The following MARCHF1 variants were observed in gnomAD, a reference collection of about 807,000 sequenced individuals.
MARCHF1 encodes membrane associated ring-CH-type finger 1.
MARCHF1 carries 40 observed loss-of-function variants against 54.2 expected under a neutral mutation model. That is an observed-to-expected ratio of 0.74 (90% CI 0.57 to 0.96). The LOEUF (loss-of-function observed/expected upper bound fraction) is 0.96. Among genes scored for constraint, MARCHF1 ranks in the 40% least tolerant of loss-of-function variants. The pLI is 0.00. For synonymous variants in MARCHF1, 236 were observed against 236.3 expected (o/e 1.00, Z 0.01); for missense variants, 586 against 656.5 (o/e 0.89, Z 1.17).
intron 1 of MARCHF1, among the ~76,000 whole-genome samples, chr4:164,314,452 A>G (rs1734945901): frequency 6.6e-6 from 1 of 152,168 alleles, no homozygotes; most frequent in South Asian, 2.1e-4. Flanking sequence ...AACTGTACAT[A>G]AGTCATTGAC....
chr4:163,535,034 A>G (rs1397795239), intron 9 of MARCHF1, among the ~76,000 whole-genome samples: 1 of 152,072 alleles, frequency 6.6e-6, no homozygotes, highest in Non-Finnish European at 1.5e-5. Flanking sequence ...TTAAAGTAGT[A>G]ATAATAATTT....
At chr4:163,992,564 A>T (rs1472994776) in intron 2 of MARCHF1, among the ~76,000 whole-genome samples, 3 of 151,796 alleles carry the variant, frequency 2.0e-5, no homozygotes, top group African/African-American at 7.3e-5. Context: ...ATGGTGTGAG[A>T]TTGGCATATG....
At chr4:163,898,449 A>T (rs1302901513) in intron 3 of MARCHF1, among the ~76,000 whole-genome samples, 1 of 152,178 alleles carries the variant, frequency 6.6e-6, no homozygotes, top group Admixed American at 6.5e-5. Context: ...ACATCAATAT[A>T]CATCGGAGAA....
intron 1 of MARCHF1, chr4:164,190,463 T>C (rs752169640): frequency 3.6e-5 from 13 of 361,998 alleles, no homozygotes; most frequent in African/African-American, 8.5e-5. Flanking sequence ...TTGAAAATGC[T>C]ATAGCCCAAG....
At chr4:163,807,986 A>G (rs1445556083) in intron 4 of MARCHF1, among the ~76,000 whole-genome samples, 1 of 152,186 alleles carries the variant, frequency 6.6e-6, no homozygotes, top group African/African-American at 2.4e-5. Flanking sequence ...GATCTGGGTA[A>G]TCACAGTACA....
intron 2 of MARCHF1, among the ~76,000 whole-genome samples, chr4:164,031,383 T>C (rs115694680): frequency 0.01 from 1,527 of 152,134 alleles, 15 homozygotes; most frequent in African/African-American, 0.033. Context: ...TTCTCTCTTT[T>C]ATTCTTTATT....
intron 4 of MARCHF1, among the ~76,000 whole-genome samples, chr4:163,772,559 G>C (rs1471535232): frequency 1.4e-4 from 22 of 152,106 alleles, no homozygotes; most frequent in Admixed American, 1.4e-3. Flanking sequence ...CCAGCTCCTA[G>C]AAGGCTGTCA....
chr4:164,083,475 C>T (rs1367854951), intron 2 of MARCHF1, among the ~76,000 whole-genome samples: 1 of 151,830 alleles, frequency 6.6e-6, no homozygotes, highest in Non-Finnish European at 1.5e-5. Flanking sequence ...GAATTGGTAA[C>T]AAGGGCTTGG....
rs150627086 is a variant in MARCHF1 at position 164,202,549 on chromosome 4, TTTG to T, written c.-322-90890_-322-90888del. On this transcript the variant is annotated intron_variant, in intron 1 of 9. Transcript: ENST00000514618. ...TCAAAAAAACCCTTATCAGGCAGAT[TTTG>T]TTATTATCCCCATTATATATGTTAG... Among the ~76,000 whole-genome samples, 1,024 of 152,278 alleles carry T rather than the reference TTTG, an allele frequency of 6.7e-3. 15 individuals are homozygous for T. The highest frequency in any genetic ancestry group is 0.024 in the African/African-American group (995 of 41,572).
At chr4:164,036,102 C>CAAA (rs34183134) in intron 2 of MARCHF1, among the ~76,000 whole-genome samples, 4 of 82,888 alleles carry the variant, frequency 4.8e-5, no homozygotes, top group Admixed American at 1.4e-4. Flanking sequence ...GATTCTGTCT[C>CAAA]AAAAAAAAAA....
chr4:164,329,995 A>C (rs1303269899), intron 1 of MARCHF1: 2 of 152,130 alleles, frequency 1.3e-5, no homozygotes, highest in Non-Finnish European at 2.9e-5. Flanking sequence ...TCACCAACCA[A>C]TCTGCCAGCT....
chr4:164,180,309 T>C (rs940268248), intron 1 of MARCHF1, among the ~76,000 whole-genome samples: 1 of 152,144 alleles, frequency 6.6e-6, no homozygotes, highest in Non-Finnish European at 1.5e-5. Flanking sequence ...AAGAATTTTA[T>C]GTCACTTGAA....
At chr4:163,893,487 G>A (rs561202054) in intron 3 of MARCHF1, among the ~76,000 whole-genome samples, 170 of 152,190 alleles carry the variant, frequency 1.1e-3, no homozygotes, top group Non-Finnish European at 2.1e-3. Flanking sequence ...AAGATAGTTG[G>A]GAACAAAGGC....
chr4:163,774,502 C>CTTTTTT (rs369862555), intron 4 of MARCHF1, among the ~76,000 whole-genome samples: 1 of 137,864 alleles, frequency 7.3e-6, no homozygotes, highest in Non-Finnish European at 1.5e-5. Flanking sequence ...AAGTGTTAGG[C>CTTTTTT]TTTTTTTTTT....
rs138805234 is a variant in MARCHF1, at chr4:163,768,074, C to T, written c.112-67211G>A. Among the ~76,000 whole-genome samples, 672 of 152,064 alleles carry T rather than the reference C, an allele frequency of 4.4e-3. 2 individuals carry two copies. The highest frequency in any genetic ancestry group is 5.2e-3 in the Non-Finnish European group (355 of 68,000). ...TTTGAAATGGCTTAAAATGACCTGCCGTCTTTGTTAAAAGATTTAAGAAAT... is the reference window on the plus strand; with the variant it reads ...TTTGAAATGGCTTAAAATGACCTGCTGTCTTTGTTAAAAGATTTAAGAAAT... On this transcript the variant is annotated intron_variant, in intron 4 of 9. Transcript: ENST00000514618.
intron 1 of MARCHF1, among the ~76,000 whole-genome samples, chr4:164,294,671 ACAT>A (rs1432863714): frequency 1.3e-5 from 2 of 152,186 alleles, no homozygotes; most frequent in Non-Finnish European, 2.9e-5. Context: ...CACATATTAT[ACAT>A]CATAATTTAA....
At chr4:164,351,673 G>A (rs1183658389) in intron 1 of MARCHF1, among the ~76,000 whole-genome samples, 1 of 151,984 alleles carries the variant, frequency 6.6e-6, no homozygotes, top group Non-Finnish European at 1.5e-5. Context: ...AAACAGAACA[G>A]AAAAACTGGA....
chr4:163,577,084 G>C (rs1388171878), intron 8 of MARCHF1, among the ~76,000 whole-genome samples: 2 of 151,984 alleles, frequency 1.3e-5, no homozygotes, highest in African/African-American at 4.8e-5. Flanking sequence ...TGATTTGTGA[G>C]GTTTTGATCC....
At chr4:164,035,441 C>A (rs1753971292) in intron 2 of MARCHF1, among the ~76,000 whole-genome samples, 2 of 150,494 alleles carry the variant, frequency 1.3e-5, no homozygotes, top group South Asian at 2.1e-4. Flanking sequence ...AATATAAAAG[C>A]AAGTTCTTTT....
Sources: allele counts gnomAD v4.1 joint callset (sites outside exome capture counted in the v4.1 genomes callset), GRCh38; gene constraint gnomAD v4.1.1; transcripts MANE v1.5; gene names NCBI Gene and HGNC (gene_info 2026-07-23, HGNC 2026-07-21).